The following NBAS variants were observed in gnomAD, a reference collection of about 807,000 sequenced individuals.
NBAS encodes the protein NBAS subunit of NRZ tethering complex.
In NBAS, 219 loss-of-function variants were observed where a neutral mutation model predicts 302.5. The observed-to-expected ratio is 0.72, with a 90% CI of 0.65 to 0.81. NBAS has a LOEUF of 0.81. Ranked by LOEUF, NBAS falls within the 30% of genes least tolerant of loss-of-function variation. NBAS has a pLI of 0.00. For synonymous variants in NBAS, 1,118 were observed against 1,021.6 expected, an observed-to-expected ratio of 1.09 and a Z score of -1.80; for missense variants, 2,932 against 2,841.6, an observed-to-expected ratio of 1.03 and a Z score of -0.72.
chr2:15,506,559 G>A (rs1381082503), intron 10 of NBAS, among the ~76,000 whole-genome samples: 1 of 152,092 alleles, frequency 6.6e-6, no homozygotes, highest in African/African-American at 2.4e-5. Context: ...AAATTTGAAG[G>A]TTATGGCAAA....
chr2:15,329,237 A>G (rs914821028), intron 36 of NBAS, among the ~76,000 whole-genome samples: 1 of 152,234 alleles, frequency 6.6e-6, no homozygotes, highest in African/African-American at 2.4e-5. Context: ...CTGCTGCTGC[A>G]AATGATAAAA....
intron 34 of NBAS, among the ~76,000 whole-genome samples, chr2:15,352,426 C>T (rs555363451): frequency 6.6e-6 from 1 of 152,076 alleles, no homozygotes; most frequent in Admixed American, 6.5e-5. Context: ...AGTTTTAGAG[C>T]AAGAGTGAAA....
intron 21 of NBAS, among the ~76,000 whole-genome samples, chr2:15,431,701 T>C (rs1022077780): frequency 2.6e-5 from 4 of 152,190 alleles, no homozygotes; most frequent in Non-Finnish European, 5.9e-5. Flanking sequence ...GGTATGCTTA[T>C]ACAGAATCTA....
At chr2:15,064,209 C>A in the NBAS span, among the ~76,000 whole-genome samples, 1 of 143,116 alleles carries the variant, frequency 7.0e-6, no homozygotes, top group East Asian at 2.0e-4. Context: ...AATAGAAAAA[C>A]AATAGAAAAA....
intron 32 of NBAS, among the ~76,000 whole-genome samples, chr2:15,365,638 C>T (rs979651205): frequency 7.9e-5 from 12 of 152,146 alleles, no homozygotes; most frequent in African/African-American, 2.7e-4. Context: ...CAGTCTGCTG[C>T]AAGTCCAAAT....
At chr2:14,785,248 G>A in the NBAS span, among the ~76,000 whole-genome samples, 3,253 of 152,140 alleles carry the variant, frequency 0.021, 44 homozygotes, top group Middle Eastern at 0.041. Context: ...CTAGATATAC[G>A]ATCATGTCAT....
At chr2:15,251,867 T>C (rs1486677972) in intron 44 of NBAS, among the ~76,000 whole-genome samples, 3 of 152,222 alleles carry the variant, frequency 2.0e-5, no homozygotes, top group Admixed American at 2.0e-4. Context: ...CTCCTGGGAA[T>C]GCAGCCCAGT....
chr2:15,328,106 A>G (rs115733115), intron 37 of NBAS, 93 bp downstream of exon 37: 5 of 1,309,952 alleles, frequency 3.8e-6, no homozygotes, highest in Non-Finnish European at 4.3e-6. Flanking sequence ...ACCAAGACAA[A>G]TAAGTATATT....
the NBAS span, among the ~76,000 whole-genome samples, chr2:15,075,609 C>A: frequency 0.013 from 2,003 of 152,334 alleles, 36 homozygotes; most frequent in African/African-American, 0.044. Flanking sequence ...CCCCAATTTC[C>A]TACTCAATCT....
chr2:15,536,557 G>A lies in NBAS; in HGVS notation c.514-6C>T. On this transcript the variant is annotated splice_region_variant and splice_polypyrimidine_tract_variant and intron_variant, in intron 7 of 51. Coordinates refer to ENST00000281513, the MANE Select transcript of NBAS (RefSeq NM_015909.4). ...TCACCTATAAAACTAGATGCCTACA[G>A]AAGAGGGGGAAATTAAGTTACTAAA... The A allele has an allele frequency of 6.3e-7, 1 of 1,590,066 alleles. No homozygotes were observed.
the NBAS span, among the ~76,000 whole-genome samples, chr2:15,113,276 G>T: frequency 6.7e-6 from 1 of 149,824 alleles, no homozygotes; most frequent in South Asian, 2.1e-4. Context: ...TAAGCACCCT[G>T]TAGTTCTAAA....
Position 15,179,024 on chromosome 2 carries a change from G to A in NBAS, c.6804C>T (p.His2268=), listed in dbSNP as rs778623720. ...LLLESRDEHL[H]EMALEQITAV... is the part of the protein sequence containing the mutation. ...CCGTGATTTGCTCCAGTGCCATCTC[G>A]TGCAGATGCTCATCTCGGCTCTCGA... Residue 2268 remains histidine, a synonymous_variant, in exon 51 of 52, where the codon CAC becomes CAT. Transcript: ENST00000281513. 5.9e-5 allele frequency: 95 copies of A among 1,613,948 alleles called. No individual in the cohort carries two copies. Among genetic ancestry groups the A allele is most frequent in the Non-Finnish European group, 7.2e-5 (85 of 1,180,036 alleles).
At chr2:15,213,763 C>T (rs187270731) in intron 48 of NBAS, among the ~76,000 whole-genome samples, 6 of 152,208 alleles carry the variant, frequency 3.9e-5, no homozygotes, top group South Asian at 2.1e-4. Flanking sequence ...ATGCCAACAG[C>T]GAGAGGGCAA....
chr2:14,900,388 G>GA, the NBAS span, among the ~76,000 whole-genome samples: 3 of 150,488 alleles, frequency 2.0e-5, no homozygotes, highest in East Asian at 1.9e-4. Flanking sequence ...GTTCCAAGAA[G>GA]AAAAAAAAAG....
chr2:15,273,972 C>T (rs1215061263), intron 44 of NBAS, among the ~76,000 whole-genome samples: 2 of 151,842 alleles, frequency 1.3e-5, no homozygotes, highest in Non-Finnish European at 2.9e-5. Context: ...GTCCCAGCTA[C>T]TCAGCCTCCT....
At chr2:15,010,547 A>G in the NBAS span, among the ~76,000 whole-genome samples, 2 of 152,196 alleles carry the variant, frequency 1.3e-5, no homozygotes, top group African/African-American at 4.8e-5. Flanking sequence ...ACCAAGTTCA[A>G]GTAGTTAGTC....
intron 32 of NBAS, among the ~76,000 whole-genome samples, chr2:15,362,450 G>C (rs1673980958): frequency 6.6e-6 from 1 of 151,982 alleles, no homozygotes; most frequent in South Asian, 2.1e-4. Flanking sequence ...CAAGATTACA[G>C]TGAGATATGA....
chr2:15,151,563 G>C, the NBAS span, among the ~76,000 whole-genome samples: 12 of 152,236 alleles, frequency 7.9e-5, no homozygotes, highest in Non-Finnish European at 1.8e-4. Flanking sequence ...CCTGTTGGCT[G>C]AACCAAGGGG....
At chr2:15,274,404 A>C (rs1429840728) in intron 44 of NBAS, among the ~76,000 whole-genome samples, 1 of 152,210 alleles carries the variant, frequency 6.6e-6, no homozygotes, top group Non-Finnish European at 1.5e-5. Context: ...GGTGACTTGC[A>C]CGGAAGGAGA....
Sources: allele counts gnomAD v4.1 joint callset (sites outside exome capture counted in the v4.1 genomes callset), GRCh38; gene constraint gnomAD v4.1.1; transcripts MANE v1.5; gene names NCBI Gene and HGNC (gene_info 2026-07-23, HGNC 2026-07-21).